The following COG6 variants were observed in gnomAD, a reference collection of about 807,000 sequenced individuals.
The protein encoded by COG6 is component of oligomeric golgi complex 6, also known as conserved oligomeric Golgi complex subunit 6.
In COG6, 74 loss-of-function variants were observed where a neutral mutation model predicts 88.8. That is an observed-to-expected ratio of 0.83 (90% CI 0.69 to 1.01). The LOEUF is 1.01. COG6 is among the 50% of genes least tolerant of loss of function. The pLI is 0.00. For synonymous variants in COG6, 286 were observed against 278.7 expected (o/e 1.03, Z -0.26); for missense variants, 800 against 797.9 (o/e 1.00, Z -0.03).
At chr13:39,660,143 G>A (rs559539860) in intron 2 of COG6, among the ~76,000 whole-genome samples, 1 of 152,200 alleles carries the variant, frequency 6.6e-6, no homozygotes, top group African/African-American at 2.4e-5. Context: ...CACCTTGGTA[G>A]GTTTTTATTG....
At chr13:39,757,858 C>A (rs142044031) in intron 18 of COG6, among the ~76,000 whole-genome samples, 1 of 152,180 alleles carries the variant, frequency 6.6e-6, no homozygotes, top group South Asian at 2.1e-4. Context: ...AGTGGACCCA[C>A]GCAGTTCAAA....
downstream of COG6, among the ~76,000 whole-genome samples, chr13:39,755,080 T>C (rs1466049418): frequency 2.0e-5 from 3 of 152,108 alleles, no homozygotes; most frequent in Non-Finnish European, 4.4e-5. Context: ...ATTTTGTCCC[T>C]TCATAAAGGT....
chr13:39,778,258 A>C (rs530846536), intron 18 of COG6, among the ~76,000 whole-genome samples: 102 of 152,320 alleles, frequency 6.7e-4, no homozygotes, highest in African/African-American at 2.4e-3. Flanking sequence ...ACTAATTATA[A>C]TTGTAACAGG....
At chr13:39,693,634 C>CT (rs1369638399) in intron 11 of COG6, among the ~76,000 whole-genome samples, 1 of 151,912 alleles carries the variant, frequency 6.6e-6, no homozygotes, top group Non-Finnish European at 1.5e-5. Context: ...ATTAGATAGT[C>CT]TATCACCTAT....
At chr13:39,715,684 A>G (rs1469800712) in intron 13 of COG6, among the ~76,000 whole-genome samples, 1 of 152,046 alleles carries the variant, frequency 6.6e-6, no homozygotes, top group African/African-American at 2.4e-5. Context: ...ATTTCTATTA[A>G]ATGTATATTT....
At chr13:39,768,724 A>G (rs912728760) in intron 18 of COG6, among the ~76,000 whole-genome samples, 8 of 151,996 alleles carry the variant, frequency 5.3e-5, no homozygotes. Context: ...TTCATTTAAA[A>G]TAATATATGA....
intron 2 of COG6, 52 bp downstream of exon 2, chr13:39,659,559 G>A: frequency 6.8e-7 from 1 of 1,469,714 alleles, no homozygotes; most frequent in South Asian, 1.1e-5. Flanking sequence ...TATTACGCCT[G>A]GCTCTGTGCT....
chr13:39,712,380 G>A (rs370562744), intron 13 of COG6, among the ~76,000 whole-genome samples: 1 of 151,174 alleles, frequency 6.6e-6, no homozygotes, highest in African/African-American at 2.5e-5. Flanking sequence ...GTTGTCCAGA[G>A]GCTTATTAAG....
chr13:39,786,405 G>T (rs1382513803), intron 18 of COG6, among the ~76,000 whole-genome samples: 1 of 152,186 alleles, frequency 6.6e-6, no homozygotes, highest in East Asian at 1.9e-4. Flanking sequence ...CCGGACAAGG[G>T]CATGTGGTTC....
chr13:39,746,416 A>G (rs1880356612), intron 18 of COG6, among the ~76,000 whole-genome samples: 1 of 152,204 alleles, frequency 6.6e-6, no homozygotes, highest in African/African-American at 2.4e-5. Context: ...ACCAGTGTTC[A>G]GCATGCACTG....
intron 18 of COG6, among the ~76,000 whole-genome samples, chr13:39,743,861 A>G (rs189328423): frequency 8.2e-4 from 125 of 152,312 alleles, no homozygotes; most frequent in Non-Finnish European, 1.5e-3. Flanking sequence ...TCAATAAAAT[A>G]CTGGCAAACT....
intron 18 of COG6, among the ~76,000 whole-genome samples, chr13:39,733,142 T>G (rs1879544285): frequency 6.6e-6 from 1 of 150,970 alleles, no homozygotes; most frequent in African/African-American, 2.4e-5. Context: ...AGAAGGTTTA[T>G]CCCCAGCATA....
rs556653853 is a variant in COG6, at chr13:39,728,959, G to A, written c.1826+1411G>A. Among the ~76,000 whole-genome samples, 91 of 152,218 alleles carry A rather than the reference G, an allele frequency of 6.0e-4. 1 individual carries two copies. Among genetic ancestry groups the A allele is most frequent in the African/African-American group, 2.2e-3 (90 of 41,530 alleles). ...ATTACAGGTGTGAGCCACTGCGCCC[G>A]GCCAATGTGCTTCTTAAATTATTAA... On this transcript the variant is annotated intron_variant, in intron 18 of 18. Coordinates refer to ENST00000455146, the MANE Select transcript of COG6 (RefSeq NM_020751.3).
intron 15 of COG6, among the ~76,000 whole-genome samples, chr13:39,722,871 C>G (rs1339341245): frequency 6.6e-6 from 1 of 152,044 alleles, no homozygotes; most frequent in Non-Finnish European, 1.5e-5. Flanking sequence ...GCCTTATCCT[C>G]AGGAGAATTT....
At chr13:39,747,494 C>T in intron 18 of COG6, among the ~76,000 whole-genome samples, 1 of 152,082 alleles carries the variant, frequency 6.6e-6, no homozygotes, top group East Asian at 1.9e-4. Context: ...AGCGGCTTTG[C>T]TTTCTTCATC....
chr13:39,712,409 T>C (rs1270320040), intron 13 of COG6, among the ~76,000 whole-genome samples: 1 of 152,308 alleles, frequency 6.6e-6, no homozygotes, highest in East Asian at 1.9e-4. Context: ...TACTGTTTAG[T>C]CCCTTGGTAT....
chr13:39,740,550 T>G (rs1218357824), intron 18 of COG6, among the ~76,000 whole-genome samples: 1 of 152,226 alleles, frequency 6.6e-6, no homozygotes, highest in Non-Finnish European at 1.5e-5. Context: ...CTAGACCCTA[T>G]TCTCTTCAAC....
intron 13 of COG6, among the ~76,000 whole-genome samples, chr13:39,708,961 A>C (rs1878090653): frequency 6.6e-6 from 1 of 152,042 alleles, no homozygotes; most frequent in African/African-American, 2.4e-5. Flanking sequence ...TTTGTTGGGG[A>C]TACTTATCTC....
At chr13:39,693,669 T>C (rs9315725) in intron 11 of COG6, among the ~76,000 whole-genome samples, 62,233 of 151,714 alleles carry the variant, frequency 0.41, 13,124 homozygotes, top group Admixed American at 0.56. Flanking sequence ...TTCATAAACA[T>C]ATTAATGTAA....
Sources: gnomAD v4.1 joint callset for allele counts (sites outside exome capture counted in the v4.1 genomes callset) on GRCh38, gnomAD v4.1.1 for gene constraint, MANE v1.5 for transcripts, NCBI Gene and HGNC (gene_info 2026-07-23, HGNC 2026-07-21) for gene names.